Variants in ZSWIM6 observed in about 807,000 individuals in gnomAD.
The protein encoded by ZSWIM6 is zinc finger SWIM-type containing 6.
Under a neutral mutation model 113.2 loss-of-function variants are expected in ZSWIM6, and 9 were observed. The observed-to-expected ratio is 0.08, with a 90% CI of 0.05 to 0.14. The LOEUF (loss-of-function observed/expected upper bound fraction) is 0.14. ZSWIM6 is among the 10% of genes least tolerant of loss of function. The probability of loss-of-function intolerance (pLI) is 1.00; values close to 1 mark genes in which losing one functional copy is unlikely to be tolerated. For synonymous variants in ZSWIM6, 611 were observed against 606.5 expected (o/e 1.01, Z -0.11); for missense variants, 1,162 against 1,552.2 (o/e 0.75, Z 4.22).
intron 4 of ZSWIM6, among the ~76,000 whole-genome samples, chr5:61,497,788 T>G (rs1164265143): frequency 6.6e-6 from 1 of 152,086 alleles, no homozygotes; most frequent in East Asian, 1.9e-4. Context: ...ATGGTAGAGG[T>G]TGTACGTTTG....
At chr5:61,347,623 T>C (rs10051279) in intron 1 of ZSWIM6, 5,415 of 152,364 alleles carry the variant, frequency 0.036, 336 homozygotes, top group African/African-American at 0.12. Flanking sequence ...TTGAAGCAAA[T>C]AAGCTGTGCG....
At chr5:61,430,111 G>T (rs1182938879) in intron 1 of ZSWIM6, among the ~76,000 whole-genome samples, 1 of 152,118 alleles carries the variant, frequency 6.6e-6, no homozygotes, top group East Asian at 1.9e-4. Flanking sequence ...TATGAGATCA[G>T]TAATTAATCC....
At chr5:61,526,088 A>T in intron 6 of ZSWIM6, 112 bp downstream of exon 6, 1 of 1,424,146 alleles carries the variant, frequency 7.0e-7, no homozygotes, top group Non-Finnish European at 9.5e-7. Context: ...AGATGGATGA[A>T]TGCTTGGCAA....
At chr5:61,391,612 A>G in intron 1 of ZSWIM6, 2 of 910,892 alleles carry the variant, frequency 2.2e-6, no homozygotes, top group South Asian at 2.6e-5. Flanking sequence ...CACAATGGCC[A>G]CAACCACCAT....
chr5:61,334,935 G>T (rs1561195757), intron 1 of ZSWIM6, among the ~76,000 whole-genome samples: 1 of 150,714 alleles, frequency 6.6e-6, no homozygotes, highest in African/African-American at 2.4e-5. Flanking sequence ...GCTTGACTCC[G>T]CTTGCAAGCA....
At chr5:61,417,111 C>T (rs1394913158) in intron 1 of ZSWIM6, among the ~76,000 whole-genome samples, 1 of 152,084 alleles carries the variant, frequency 6.6e-6, no homozygotes, top group African/African-American at 2.4e-5. Flanking sequence ...CATTGCACTC[C>T]AGCCTGGGCA....
intron 8 of ZSWIM6, among the ~76,000 whole-genome samples, chr5:61,530,782 T>C (rs138314404): frequency 7.4e-4 from 112 of 152,354 alleles, no homozygotes; most frequent in African/African-American, 2.6e-3. Context: ...TGTCCCTTTG[T>C]TGCTTCCATG....
chr5:61,515,744 G>T (rs186630733), intron 4 of ZSWIM6, among the ~76,000 whole-genome samples: 2 of 152,262 alleles, frequency 1.3e-5, no homozygotes, highest in Admixed American at 6.5e-5. Context: ...GTTAGTTACT[G>T]AAAGAAGAAT....
intron 1 of ZSWIM6, 79 bp downstream of exon 1, chr5:61,333,027 C>T (rs896507619): frequency 1.8e-6 from 2 of 1,086,662 alleles, no homozygotes; most frequent in African/African-American, 1.7e-5. Flanking sequence ...CTTTCTCCTG[C>T]GGACAGCCCC....
At chr5:61,418,886 A>G (rs1466740012) in intron 1 of ZSWIM6, among the ~76,000 whole-genome samples, 2 of 152,136 alleles carry the variant, frequency 1.3e-5, no homozygotes, top group African/African-American at 2.4e-5. Context: ...CAGTGGTGCA[A>G]TCTCGGCTCA....
At chr5:61,461,304 C>T (rs1747319178) in intron 1 of ZSWIM6, among the ~76,000 whole-genome samples, 1 of 152,172 alleles carries the variant, frequency 6.6e-6, no homozygotes, top group Non-Finnish European at 1.5e-5. Context: ...GGTTGGCTCT[C>T]TATTACTGCT....
chr5:61,433,559 G>A (rs1455400796), intron 1 of ZSWIM6, among the ~76,000 whole-genome samples: 1 of 149,690 alleles, frequency 6.7e-6, no homozygotes, highest in Non-Finnish European at 1.5e-5. Flanking sequence ...CGCAACCTCC[G>A]CCTCCTGGGT....
intron 4 of ZSWIM6, among the ~76,000 whole-genome samples, chr5:61,512,781 A>C (rs893786090): frequency 2.6e-5 from 4 of 152,078 alleles, no homozygotes; most frequent in African/African-American, 9.7e-5. Flanking sequence ...TTTCTTTGGT[A>C]AAATGTCTTT....
At chr5:61,393,751 AT>A (rs1446844324) in intron 1 of ZSWIM6, among the ~76,000 whole-genome samples, 18 of 143,192 alleles carry the variant, frequency 1.3e-4, no homozygotes, top group Admixed American at 2.1e-4. Flanking sequence ...AAAAAAAAAA[AT>A]GTACTTTTAG....
intron 2 of ZSWIM6, among the ~76,000 whole-genome samples, chr5:61,487,839 T>C (rs369123138): frequency 3.7e-4 from 56 of 152,166 alleles, no homozygotes; most frequent in African/African-American, 1.2e-3. Context: ...ATAATTTGAC[T>C]TCTTCTTTTC....
At chr5:61,359,954 G>A (rs1362331867) in intron 1 of ZSWIM6, among the ~76,000 whole-genome samples, 2 of 151,894 alleles carry the variant, frequency 1.3e-5, no homozygotes, top group Non-Finnish European at 2.9e-5. Flanking sequence ...GGAACAAAAA[G>A]AAAAAAGTGT....
At chr5:61,382,255 A>G (rs1745502242) in intron 1 of ZSWIM6, among the ~76,000 whole-genome samples, 1 of 152,218 alleles carries the variant, frequency 6.6e-6, no homozygotes, top group Non-Finnish European at 1.5e-5. Flanking sequence ...GAAAGAGACA[A>G]TCCTTTCTAC....
intron 2 of ZSWIM6, among the ~76,000 whole-genome samples, chr5:61,473,462 G>T (rs947319418): frequency 3.3e-5 from 5 of 152,086 alleles, no homozygotes. Flanking sequence ...ATTATTTTTG[G>T]AAAAACATTA....
chr5:61,350,491 C>G (rs889769119), intron 1 of ZSWIM6, among the ~76,000 whole-genome samples: 2 of 152,150 alleles, frequency 1.3e-5, no homozygotes, highest in African/African-American at 4.8e-5. Flanking sequence ...ATCTCCTATT[C>G]AGACGAAAAG....
Sources: gnomAD v4.1 joint callset for allele counts (sites outside exome capture counted in the v4.1 genomes callset) on GRCh38, gnomAD v4.1.1 for gene constraint, MANE v1.5 for transcripts, NCBI Gene and HGNC (gene_info 2026-07-23, HGNC 2026-07-21) for gene names.